The following SOX6 variants were observed in gnomAD, a reference collection of about 807,000 sequenced individuals.
SOX6 encodes SRY-box transcription factor 6.
A neutral mutation model predicts 97.8 loss-of-function variants in SOX6; 11 were observed. The ratio of observed to expected loss-of-function variants is 0.11; its 90% CI spans 0.07 to 0.19. The LOEUF is 0.19. SOX6 is among the 10% of genes least tolerant of loss of function. The pLI is 1.00. For missense variants in SOX6, 810 were observed against 1,039.5 expected (o/e 0.78, Z 3.04); for synonymous variants, 360 against 371.4 (o/e 0.97, Z 0.35).
chr11:16,285,737 T>A (rs1854715918), intron 3 of SOX6, among the ~76,000 whole-genome samples: 1 of 152,062 alleles, frequency 6.6e-6, no homozygotes, highest in South Asian at 2.1e-4. Context: ...TCACAAAGAC[T>A]CAGAGATACT....
At chr11:16,230,189 CAA>C (rs1464136700) in intron 4 of SOX6, among the ~76,000 whole-genome samples, 2 of 151,414 alleles carry the variant, frequency 1.3e-5, no homozygotes, top group Non-Finnish European at 3.0e-5. Flanking sequence ...ATATTTTAAT[CAA>C]GTCAATAGAA....
chr11:16,172,631 C>A (rs1349986), intron 6 of SOX6, among the ~76,000 whole-genome samples: 89,227 of 151,862 alleles, frequency 0.59, 27,228 homozygotes, highest in East Asian at 0.75. Flanking sequence ...TTCCTAAGCA[C>A]GACTATCTAC....
At chr11:16,217,139 A>G (rs1374510110) in intron 4 of SOX6, among the ~76,000 whole-genome samples, 1 of 152,142 alleles carries the variant, frequency 6.6e-6, no homozygotes, top group Admixed American at 6.6e-5. Flanking sequence ...ATAAACTTCT[A>G]TTTATGCTCC....
exon 1 of SOX6, chr11:16,738,473 C>G (rs1183151877): frequency 4.4e-6 from 2 of 459,694 alleles, no homozygotes. Flanking sequence ...GAAGGCGGGG[C>G]CTCTGAGGGC....
At chr11:16,405,794 C>T (rs757592905) in intron 1 of SOX6, among the ~76,000 whole-genome samples, 64 of 152,108 alleles carry the variant, frequency 4.2e-4, no homozygotes, top group Middle Eastern at 3.4e-3. Context: ...TTTGAAAGCT[C>T]AGTCTTTGTT....
chr11:16,242,596 A>T (rs1422780447), intron 3 of SOX6, among the ~76,000 whole-genome samples: 1 of 151,764 alleles, frequency 6.6e-6, no homozygotes, highest in Non-Finnish European at 1.5e-5. Flanking sequence ...TGCAACCAAA[A>T]GAAAACACAC....
intron 4 of SOX6, among the ~76,000 whole-genome samples, chr11:16,226,787 G>C (rs1446258450): frequency 6.6e-6 from 1 of 152,016 alleles, no homozygotes; most frequent in East Asian, 1.9e-4. Flanking sequence ...CTACTACATG[G>C]AGAACTGTAT....
chr11:16,531,856 G>A (rs917157827), intron 4 of SOX6, among the ~76,000 whole-genome samples: 6 of 151,812 alleles, frequency 4.0e-5, no homozygotes, highest in East Asian at 1.9e-4. Flanking sequence ...ACATTGTTTC[G>A]CTTAAGGACA....
intron 3 of SOX6, among the ~76,000 whole-genome samples, chr11:16,680,247 T>C (rs1847916019): frequency 6.6e-6 from 1 of 152,202 alleles, no homozygotes; most frequent in African/African-American, 2.4e-5. Flanking sequence ...CCCATCAGAC[T>C]AACAGAGATT....
intron 3 of SOX6, among the ~76,000 whole-genome samples, chr11:16,301,411 C>T (rs1855253600): frequency 6.6e-6 from 1 of 152,072 alleles, no homozygotes; most frequent in Admixed American, 6.6e-5. Flanking sequence ...ATCTACTATA[C>T]CATAGTTCTC....
intron 3 of SOX6, among the ~76,000 whole-genome samples, chr11:16,304,827 C>CT (rs1855376335): frequency 6.6e-6 from 1 of 152,096 alleles, no homozygotes; most frequent in Non-Finnish European, 1.5e-5. Context: ...GAAGGTTAGT[C>CT]TTTTCAACAG....
chr11:16,093,605 G>C (rs898971322), intron 9 of SOX6, among the ~76,000 whole-genome samples: 34 of 151,834 alleles, frequency 2.2e-4, no homozygotes, highest in Non-Finnish European at 2.9e-5. Context: ...GCAGTGGGGT[G>C]GGGGAGTATA....
intron 3 of SOX6, chr11:16,314,372 T>A (rs183991785): frequency 6.6e-6 from 1 of 152,156 alleles, no homozygotes; most frequent in African/African-American, 2.4e-5. Flanking sequence ...AACCTTCCAA[T>A]GGCTTCCAAG....
At chr11:16,044,315 G>T (rs958554908) in intron 12 of SOX6, among the ~76,000 whole-genome samples, 4 of 152,038 alleles carry the variant, frequency 2.6e-5, no homozygotes, top group Non-Finnish European at 5.9e-5. Flanking sequence ...ACCTACAACT[G>T]TATTATGAGC....
intron 4 of SOX6, among the ~76,000 whole-genome samples, chr11:16,549,625 G>T (rs1054308411): frequency 6.6e-6 from 1 of 152,018 alleles, no homozygotes; most frequent in Non-Finnish European, 1.5e-5. Context: ...GAAAACATAT[G>T]TCCACACAAA....
chr11:16,171,533 A>C (rs1187612137), intron 6 of SOX6, among the ~76,000 whole-genome samples: 1 of 152,058 alleles, frequency 6.6e-6, no homozygotes, highest in Non-Finnish European at 1.5e-5. Context: ...TATCATTTTT[A>C]AATAATATCT....
intron 4 of SOX6, among the ~76,000 whole-genome samples, chr11:16,504,464 A>T (rs1023288423): frequency 2.0e-5 from 3 of 152,158 alleles, no homozygotes; most frequent in Admixed American, 6.5e-5. Flanking sequence ...CTGAGAAAGA[A>T]ATCAAGAGGG....
intron 4 of SOX6, among the ~76,000 whole-genome samples, chr11:16,567,543 G>A (rs1016730527): frequency 1.4e-5 from 2 of 145,972 alleles, no homozygotes; most frequent in African/African-American, 2.5e-5. Context: ...CTGTATTAAT[G>A]GTATGTCATA....
At chr11:16,574,457 T>C (rs1456525490) in intron 4 of SOX6, among the ~76,000 whole-genome samples, 1 of 152,140 alleles carries the variant, frequency 6.6e-6, no homozygotes, top group Non-Finnish European at 1.5e-5. Flanking sequence ...ACTACACCTC[T>C]ACTTTAGACA....
Sources: allele counts gnomAD v4.1 joint callset (sites outside exome capture counted in the v4.1 genomes callset), GRCh38; gene constraint gnomAD v4.1.1; transcripts MANE v1.5; gene names NCBI Gene and HGNC (gene_info 2026-07-23, HGNC 2026-07-21).